Variants in PCLO observed in about 807,000 individuals in gnomAD.
The protein encoded by PCLO is piccolo presynaptic cytomatrix protein, also known as protein piccolo.
A neutral mutation model predicts 427.5 loss-of-function variants in PCLO; 82 were observed. The observed-to-expected ratio is 0.19, with a 90% confidence interval of 0.16 to 0.23. The LOEUF is 0.23. PCLO is among the 10% of genes least tolerant of loss of function. The pLI is 1.00. For missense variants in PCLO, 6,239 were observed against 6,115.9 expected, an observed-to-expected ratio of 1.02 and a Z score of -0.67; for synonymous variants, 2,357 against 2,155.4, an observed-to-expected ratio of 1.09 and a Z score of -2.59.
chr7:82,931,242 T>C (rs1479005393), intron 6 of PCLO, among the ~76,000 whole-genome samples: 4 of 152,142 alleles, frequency 2.6e-5, no homozygotes, highest in African/African-American at 9.7e-5. Context: ...AACTTCAAGT[T>C]TGCACTGCAT....
At chr7:82,856,020 G>T (rs1023493204) in intron 10 of PCLO, among the ~76,000 whole-genome samples, 17 of 152,150 alleles carry the variant, frequency 1.1e-4, no homozygotes, top group African/African-American at 4.1e-4. Context: ...TGAAAACTTG[G>T]GCACAGTTAA....
intron 3 of PCLO, among the ~76,000 whole-genome samples, chr7:83,007,262 T>C (rs1481828851): frequency 1.3e-5 from 2 of 151,512 alleles, no homozygotes; most frequent in Non-Finnish European, 3.0e-5. Context: ...ACTTCACAGG[T>C]AATCAAAGAA....
chr7:83,087,514 T>C (rs920501797), intron 3 of PCLO, among the ~76,000 whole-genome samples: 4 of 152,120 alleles, frequency 2.6e-5, no homozygotes, highest in Admixed American at 6.5e-5. Flanking sequence ...TCTTAAACTA[T>C]TTACAATTAT....
Position 83,152,110 on chromosome 7 carries a change from G to A in PCLO, c.1893+2638C>T, listed in dbSNP as rs369714359. Among the ~76,000 whole-genome samples the A allele has an allele frequency of 3.7e-4, 56 of 151,930 alleles. 1 individual carries two copies. The highest frequency in any genetic ancestry group is 2.6e-3 in the Admixed American group (39 of 15,262). Reference sequence around the variant, plus strand: ...CTCCCTAGTAGCTGGGACTACAAGCGCCCGCCACCACGCCCGGCTAATTTT... The same window carrying A: ...CTCCCTAGTAGCTGGGACTACAAGCACCCGCCACCACGCCCGGCTAATTTT... On this transcript the variant is annotated intron_variant, in intron 2 of 24. Coordinates refer to ENST00000333891, the MANE Select transcript of PCLO (RefSeq NM_033026.6).
chr7:82,772,334 T>C (rs1395367560), intron 22 of PCLO, among the ~76,000 whole-genome samples: 2 of 152,120 alleles, frequency 1.3e-5, no homozygotes, highest in African/African-American at 4.8e-5. Flanking sequence ...AAATAAATGA[T>C]TGTCAATCTA....
chr7:82,947,410 AT>A (rs67337135), intron 6 of PCLO, among the ~76,000 whole-genome samples: 7,281 of 152,202 alleles, frequency 0.048, 575 homozygotes, highest in African/African-American at 0.17. Context: ...TAAGAAAATT[AT>A]TTTTTTAGTA....
chr7:83,145,457 G>C (rs1248176842), intron 2 of PCLO, among the ~76,000 whole-genome samples: 1 of 152,090 alleles, frequency 6.6e-6, no homozygotes, highest in African/African-American at 2.4e-5. Context: ...AAAATGGTAT[G>C]GTGAATCAAG....
At position 82,956,606 on chromosome 7, in the gene PCLO, T is replaced by C. The variant is rs746667089; in HGVS notation, c.4347A>G (p.Gln1449=). The change falls in exon 5 of 25, where the codon CAA becomes CAG. Residue 1449 remains glutamine, a synonymous_variant. Coordinates refer to ENST00000333891, the MANE Select transcript of PCLO (RefSeq NM_033026.6). ...HEVSPEQPKD[Q]EKTQSLSETL... ...TTTCAGATAAACTCTGAGTTTTCTC[T>C]TGGTCTTTAGGCTGTTCAGGAGAAA... 6.2e-7 allele frequency: 1 copy of C among 1,613,710 alleles called. No homozygotes were observed. The highest frequency in any genetic ancestry group is 8.5e-7 in the Non-Finnish European group (1 of 1,179,786).
At chr7:82,944,345 T>C (rs1393366283) in intron 6 of PCLO, among the ~76,000 whole-genome samples, 1 of 151,896 alleles carries the variant, frequency 6.6e-6, no homozygotes, top group Non-Finnish European at 1.5e-5. Context: ...AAATTATTAT[T>C]ATAGAGCACC....
At chr7:82,945,242 C>T (rs571424025) in intron 6 of PCLO, among the ~76,000 whole-genome samples, 8 of 151,920 alleles carry the variant, frequency 5.3e-5, no homozygotes, top group South Asian at 2.1e-4. Flanking sequence ...TAAAACTGTC[C>T]GGTTACGTAA....
At chr7:83,008,054 C>A (rs1787991921) in intron 3 of PCLO, among the ~76,000 whole-genome samples, 1 of 151,314 alleles carries the variant, frequency 6.6e-6, no homozygotes, top group Admixed American at 6.6e-5. Context: ...CAAAGCCTAC[C>A]CTATATTCCA....
At chr7:83,003,243 A>C (rs115640905) in intron 3 of PCLO, among the ~76,000 whole-genome samples, 1 of 151,450 alleles carries the variant, frequency 6.6e-6, no homozygotes, top group Non-Finnish European at 1.5e-5. Flanking sequence ...GCATACGTTT[A>C]TATGTAATAT....
intron 3 of PCLO, among the ~76,000 whole-genome samples, chr7:82,977,737 G>A (rs1796053840): frequency 6.6e-6 from 1 of 152,044 alleles, no homozygotes; most frequent in African/African-American, 2.4e-5. Flanking sequence ...TTAAACAAGT[G>A]TGGGGCACAA....
chr7:83,146,388 T>C lies in PCLO; in HGVS notation c.1893+8360A>G, dbSNP rs539739666. ...AACTTCTAACAAATTATTTACCTCT[T>C]TATCTTCAGTGTAATAATATATTAG... On this transcript the variant is annotated intron_variant, in intron 2 of 24. Coordinates refer to ENST00000333891, the MANE Select transcript of PCLO (RefSeq NM_033026.6). 2.6e-5 allele frequency among the ~76,000 whole-genome samples: 4 copies of C among 152,292 alleles called. No individual in the cohort carries two copies. The South Asian group carries it at 8.3e-4, about 32-fold the overall frequency.
chr7:82,832,800 TACACACACACACACAC>T (rs10645073), intron 16 of PCLO, among the ~76,000 whole-genome samples: 114 of 140,696 alleles, frequency 8.1e-4, no homozygotes, highest in African/African-American at 2.8e-3. Flanking sequence ...CTAAACTTAC[TACACACACACACACAC>T]ACACACACAC....
chr7:82,851,808 C>G (rs985711304), intron 10 of PCLO, among the ~76,000 whole-genome samples: 1 of 152,148 alleles, frequency 6.6e-6, no homozygotes, highest in Non-Finnish European at 1.5e-5. Flanking sequence ...TCTCCCCTGG[C>G]GGACTCAACA....
At chr7:82,894,880 A>C (rs1223233337) in intron 9 of PCLO, among the ~76,000 whole-genome samples, 1 of 152,166 alleles carries the variant, frequency 6.6e-6, no homozygotes, top group Middle Eastern at 3.4e-3. Flanking sequence ...CCCTGGGTAA[A>C]TGAAGGCTGA....
chr7:82,804,085 G>C (rs1160210524), intron 21 of PCLO, among the ~76,000 whole-genome samples: 1 of 152,132 alleles, frequency 6.6e-6, no homozygotes, highest in Admixed American at 6.5e-5. Context: ...CAAATTATGT[G>C]TGGTTTAAAA....
intron 3 of PCLO, among the ~76,000 whole-genome samples, chr7:83,120,163 G>A (rs957418471): frequency 6.6e-6 from 1 of 151,954 alleles, no homozygotes; most frequent in African/African-American, 2.4e-5. Context: ...AGAGCTTTGG[G>A]AGGCCAAGGT....
Sources: allele counts gnomAD v4.1 joint callset (sites outside exome capture counted in the v4.1 genomes callset), GRCh38; gene constraint gnomAD v4.1.1; transcripts MANE v1.5; gene names NCBI Gene and HGNC (gene_info 2026-07-23, HGNC 2026-07-21).